ASIC2: variants seen among roughly 807,000 people sequenced by gnomAD.
ASIC2 encodes the protein acid sensing ion channel subunit 2, also known as acid-sensing ion channel 2.
ASIC2 carries 25 observed loss-of-function variants against 57.3 expected under a neutral mutation model. The observed-to-expected ratio is 0.44, with a 90% CI of 0.32 to 0.61. The LOEUF (loss-of-function observed/expected upper bound fraction) is 0.61. Among genes scored for constraint, ASIC2 ranks in the 20% least tolerant of loss-of-function variants. The pLI is 0.06. For missense variants in ASIC2, 641 were observed against 738.1 expected (o/e 0.87, Z 1.52); for synonymous variants, 319 against 307.5 (o/e 1.04, Z -0.39).
chr17:33,729,945 G>A (rs1909688517), intron 1 of ASIC2, among the ~76,000 whole-genome samples: 1 of 152,168 alleles, frequency 6.6e-6, no homozygotes, highest in Admixed American at 6.5e-5. Context: ...AAGCAAAGCT[G>A]GCATTTAAAC....
intron 1 of ASIC2, among the ~76,000 whole-genome samples, chr17:33,727,642 C>G (rs900048344): frequency 1.2e-4 from 18 of 152,326 alleles, no homozygotes; most frequent in African/African-American, 4.1e-4. Flanking sequence ...CTGCTTCCCC[C>G]ACACCTTCTA....
intron 1 of ASIC2, among the ~76,000 whole-genome samples, chr17:33,894,338 CGTGCGTGCGTGCGTGTGTGT>C (rs1400690524): frequency 8.5e-5 from 8 of 93,984 alleles, no homozygotes; most frequent in African/African-American, 3.3e-4. Context: ...TGCGTGCGTG[CGTGCGTGCGTGCGTGTGTGT>C]GTGTGTGTGT....
At chr17:34,092,163 CA>C (rs1301035578) in intron 1 of ASIC2, among the ~76,000 whole-genome samples, 1 of 152,166 alleles carries the variant, frequency 6.6e-6, no homozygotes, top group Non-Finnish European at 1.5e-5. Context: ...GTGCAGTGAG[CA>C]GAAGTGTTAA....
At chr17:33,543,661 G>T (rs1011975216) in intron 1 of ASIC2, among the ~76,000 whole-genome samples, 1 of 152,134 alleles carries the variant, frequency 6.6e-6, no homozygotes, top group African/African-American at 2.4e-5. Flanking sequence ...TCTTTGTCAA[G>T]TTCCCCAAGT....
intron 1 of ASIC2, among the ~76,000 whole-genome samples, chr17:33,522,416 G>T (rs1391415629): frequency 6.6e-6 from 1 of 152,184 alleles, no homozygotes; most frequent in Non-Finnish European, 1.5e-5. Context: ...GCCCACCTGT[G>T]GGGGGCCCTG....
intron 1 of ASIC2, among the ~76,000 whole-genome samples, chr17:33,472,123 G>A (rs908362477): frequency 1.3e-5 from 2 of 151,326 alleles, no homozygotes; most frequent in African/African-American, 4.9e-5. Flanking sequence ...GGGTTCAAGC[G>A]ATTCTCCCAC....
chr17:33,591,967 T>C lies in ASIC2; in HGVS notation c.556-479900A>G, dbSNP rs1346316688. Among the ~76,000 whole-genome samples, 4 of 152,186 alleles carry C rather than the reference T, an allele frequency of 2.6e-5. No individual in the cohort carries two copies. The East Asian group carries it at 7.7e-4, about 29-fold the overall frequency. The stretch of plus-strand genomic sequence containing the variant: ...TCATCTGCCATACCTGCCCTGCCTC[T>C]GCTCCTATACCTAAGAAGGAAAAAT... On this transcript the variant is annotated intron_variant, in intron 1 of 9. Transcript: ENST00000359872.
At chr17:33,379,865 A>G (rs1387093767) in intron 1 of ASIC2, among the ~76,000 whole-genome samples, 2 of 152,194 alleles carry the variant, frequency 1.3e-5, no homozygotes, top group Admixed American at 1.3e-4. Flanking sequence ...CTCTTTTATT[A>G]TCATTTAAAC....
chr17:33,283,846 A>G (rs1905052412), intron 1 of ASIC2, among the ~76,000 whole-genome samples: 2 of 152,150 alleles, frequency 1.3e-5, no homozygotes, highest in African/African-American at 4.8e-5. Flanking sequence ...GCTGATTACA[A>G]ATGCAGGTTT....
At chr17:33,703,541 TG>T (rs1241206109) in intron 1 of ASIC2, among the ~76,000 whole-genome samples, 1 of 152,040 alleles carries the variant, frequency 6.6e-6, no homozygotes, top group Non-Finnish European at 1.5e-5. Flanking sequence ...TTTGTAGAGA[TG>T]GGGTTTTACC....
At chr17:34,006,486 G>T (rs561209365) in intron 1 of ASIC2, 2 of 152,300 alleles carry the variant, frequency 1.3e-5, no homozygotes, top group South Asian at 4.1e-4. Context: ...AGTTTTAAAT[G>T]ATTACTCTGA....
At chr17:33,474,428 G>A (rs1004924959) in intron 1 of ASIC2, among the ~76,000 whole-genome samples, 3 of 152,194 alleles carry the variant, frequency 2.0e-5, no homozygotes, top group Non-Finnish European at 4.4e-5. Flanking sequence ...GGTAATTTAA[G>A]CAAGGCCTCT....
At chr17:33,520,283 G>A (rs923669997) in intron 1 of ASIC2, among the ~76,000 whole-genome samples, 1 of 152,214 alleles carries the variant, frequency 6.6e-6, no homozygotes, top group Non-Finnish European at 1.5e-5. Context: ...ATACGGGACA[G>A]AAAGACAGGG....
intron 1 of ASIC2, among the ~76,000 whole-genome samples, chr17:33,349,834 C>T (rs1908087688): frequency 1.3e-5 from 2 of 152,150 alleles, no homozygotes; most frequent in Non-Finnish European, 2.9e-5. Flanking sequence ...AGCATTTATT[C>T]CCACTTGTTT....
At chr17:33,276,888 G>T (rs1242754385) in intron 1 of ASIC2, among the ~76,000 whole-genome samples, 1 of 152,156 alleles carries the variant, frequency 6.6e-6, no homozygotes, top group Non-Finnish European at 1.5e-5. Context: ...AAATGGCAGG[G>T]TTGATATGCA....
At chr17:33,367,546 TC>T (rs1908860685) in intron 1 of ASIC2, among the ~76,000 whole-genome samples, 1 of 152,222 alleles carries the variant, frequency 6.6e-6, no homozygotes, top group Non-Finnish European at 1.5e-5. Context: ...AGAGTCTGCC[TC>T]CCCATGGGGG....
chr17:34,013,187 C>G (rs944668260), intron 1 of ASIC2, among the ~76,000 whole-genome samples: 1 of 152,128 alleles, frequency 6.6e-6, no homozygotes, highest in Non-Finnish European at 1.5e-5. Context: ...CCTGGGGTAA[C>G]CAGAGGGAGA....
At chr17:33,909,585 G>T (rs1444872166) in intron 1 of ASIC2, among the ~76,000 whole-genome samples, 11 of 152,210 alleles carry the variant, frequency 7.2e-5, no homozygotes, top group African/African-American at 2.4e-4. Context: ...GGGGATGCAC[G>T]TGGTGGGAGA....
At chr17:33,747,475 G>A (rs2701469) in intron 1 of ASIC2, among the ~76,000 whole-genome samples, 56,258 of 151,794 alleles carry the variant, frequency 0.37, 12,690 homozygotes, top group Non-Finnish European at 0.52. Context: ...TGCCTGCCTC[G>A]GCCTCTCAAA....
Sources: gnomAD v4.1 joint callset for allele counts (sites outside exome capture counted in the v4.1 genomes callset) on GRCh38, gnomAD v4.1.1 for gene constraint, MANE v1.5 for transcripts, NCBI Gene and HGNC (gene_info 2026-07-23, HGNC 2026-07-21) for gene names.